GNAQ: variants seen among roughly 807,000 people sequenced by gnomAD.
GNAQ encodes the protein G protein subunit alpha q.
Under a neutral mutation model 43.9 loss-of-function variants are expected in GNAQ, and 8 were observed. The observed-to-expected ratio is 0.18, with a 90% CI of 0.11 to 0.33. The LOEUF is 0.33. Ranked by LOEUF, GNAQ falls within the 10% of genes least tolerant of loss-of-function variation. GNAQ has a pLI of 1.00. For missense variants in GNAQ, 158 were observed against 450.8 expected, an observed-to-expected ratio of 0.35 and a Z score of 5.88; for synonymous variants, 155 against 170.7, an observed-to-expected ratio of 0.91 and a Z score of 0.71.
chr9:77,757,653 G>A (rs922197785), intron 5 of GNAQ, among the ~76,000 whole-genome samples: 2 of 152,146 alleles, frequency 1.3e-5, no homozygotes, highest in Admixed American at 6.6e-5. Context: ...TATCACGATA[G>A]TGCTCCCAAT....
chr9:77,880,887 C>T (rs1168328443), intron 2 of GNAQ, among the ~76,000 whole-genome samples: 1 of 152,128 alleles, frequency 6.6e-6, no homozygotes, highest in Non-Finnish European at 1.5e-5. Context: ...GAAGACAGTG[C>T]TTTAGAGGAC....
intron 2 of GNAQ, among the ~76,000 whole-genome samples, chr9:77,855,697 A>G (rs1175849345): frequency 6.6e-6 from 1 of 152,246 alleles, no homozygotes; most frequent in East Asian, 1.9e-4. Context: ...AAAGATGCTG[A>G]GATTTAATTT....
intron 5 of GNAQ, among the ~76,000 whole-genome samples, chr9:77,775,697 C>T (rs1271393802): frequency 6.6e-6 from 1 of 152,184 alleles, no homozygotes; most frequent in African/African-American, 2.4e-5. Flanking sequence ...CACGCCCAGC[C>T]TCCTCATCTC....
intron 2 of GNAQ, among the ~76,000 whole-genome samples, chr9:77,818,248 G>A (rs1020860777): frequency 1.3e-5 from 2 of 152,120 alleles, no homozygotes; most frequent in South Asian, 2.1e-4. Context: ...CCTAAGCTTT[G>A]TTGTTTCATT....
At chr9:77,979,736 C>A (rs1411220194) in intron 1 of GNAQ, among the ~76,000 whole-genome samples, 2 of 152,188 alleles carry the variant, frequency 1.3e-5, no homozygotes, top group Non-Finnish European at 2.9e-5. Flanking sequence ...CAACATGCAA[C>A]ATATATGCCT....
intron 2 of GNAQ, among the ~76,000 whole-genome samples, chr9:77,913,966 G>C (rs1828853380): frequency 6.6e-6 from 1 of 152,124 alleles, no homozygotes; most frequent in African/African-American, 2.4e-5. Flanking sequence ...CTTTGTTTCA[G>C]AACCCTCCTC....
chr9:77,856,828 C>A (rs1564131624), intron 2 of GNAQ, among the ~76,000 whole-genome samples: 1 of 152,130 alleles, frequency 6.6e-6, no homozygotes, highest in Non-Finnish European at 1.5e-5. Flanking sequence ...TTTAACCTTG[C>A]AAAGCAGTAT....
At chr9:77,779,909 G>A (rs1289795607) in intron 5 of GNAQ, among the ~76,000 whole-genome samples, 3 of 151,946 alleles carry the variant, frequency 2.0e-5, no homozygotes, top group East Asian at 3.9e-4. Flanking sequence ...TTCAGTAACC[G>A]AAATGGAACA....
At position 77,767,552 on chromosome 9, in the gene GNAQ, G is replaced by T. The variant is rs553676357; in HGVS notation, c.735+26911C>A. Among the ~76,000 whole-genome samples, 16 of 152,314 alleles carry T rather than the reference G, an allele frequency of 1.1e-4. No individual in the cohort carries two copies. In the East Asian group the frequency reaches 3.1e-3, roughly 29 times the overall value. On this transcript the variant is annotated intron_variant, in intron 5 of 6. Transcript: ENST00000286548. ...TTATCAGCAAGTAATACAAGCCAGG[G>T]TATAAGACTAAGCACTTGAAAGTGC...
At chr9:77,857,009 GCCC>G (rs1827766034) in intron 2 of GNAQ, among the ~76,000 whole-genome samples, 1 of 152,168 alleles carries the variant, frequency 6.6e-6, no homozygotes, top group Non-Finnish European at 1.5e-5. Context: ...CTGTCACCAT[GCCC>G]TCCTCTTCCT....
At chr9:77,823,694 G>A (rs1827149457) in intron 2 of GNAQ, among the ~76,000 whole-genome samples, 2 of 152,096 alleles carry the variant, frequency 1.3e-5, no homozygotes, top group African/African-American at 4.8e-5. Context: ...GAAGCGGGAG[G>A]TGCCACACAC....
chr9:77,823,473 C>T (rs575151938), intron 2 of GNAQ, among the ~76,000 whole-genome samples: 14 of 152,084 alleles, frequency 9.2e-5, no homozygotes, highest in African/African-American at 3.1e-4. Flanking sequence ...AAAAGGCTAC[C>T]AAAACAGTTA....
intron 1 of GNAQ, among the ~76,000 whole-genome samples, chr9:77,928,125 A>C (rs995824578): frequency 1.3e-5 from 2 of 152,116 alleles, no homozygotes; most frequent in African/African-American, 4.8e-5. Flanking sequence ...CTGAGTCAAA[A>C]CTCAATCCAT....
chr9:78,018,177 CA>C lies in GNAQ; in HGVS notation c.136+12922del, dbSNP rs11423225. ...AATCATTGGGAGAAACCTAAATGTA[CA>C]AAAAAAAAAGAGTAAACAAGTAAAC... On this transcript the variant is annotated intron_variant, in intron 1 of 6. Transcript: ENST00000286548. 8.9e-4 allele frequency among the ~76,000 whole-genome samples: 125 copies of C among 140,900 alleles called. 1 individual carries two copies. The highest frequency in any genetic ancestry group is 1.3e-3 in the Non-Finnish European group (80 of 63,910). The allele number at this position is 140,900 out of a possible 152,430, so 92.4% of individuals were successfully genotyped here.
At chr9:77,842,791 T>TCTTTTGATG (rs1827512857) in intron 2 of GNAQ, among the ~76,000 whole-genome samples, 2 of 152,116 alleles carry the variant, frequency 1.3e-5, no homozygotes, top group African/African-American at 4.8e-5. Flanking sequence ...TTGATGAACA[T>TCTTTTGATG]ATGCATCTTT....
Position 77,728,527 on chromosome 9 carries a change from G to A in GNAQ, c.876C>T (p.Phe292=), listed in dbSNP as rs1219845503. The A allele has an allele frequency of 6.2e-7, 1 of 1,603,374 alleles. No homozygotes were observed. The highest frequency in any genetic ancestry group is 8.5e-7 in the Non-Finnish European group (1 of 1,171,798). ...KIMYSHLVDY[F]PEYDGPQRDA... ...GTGCTGACTTACCATCATATTCTGG[G>A]AAGTAGTCGACTAGATGGGAATACA... is the stretch of plus-strand genomic sequence containing the variant. The change falls in exon 6 of 7, where the codon TTC becomes TTT. Residue 292 remains phenylalanine, a synonymous_variant. Transcript: ENST00000286548.
intron 2 of GNAQ, among the ~76,000 whole-genome samples, chr9:77,914,429 C>T (rs1041850795): frequency 9.2e-5 from 14 of 152,102 alleles, no homozygotes; most frequent in African/African-American, 2.2e-4. Context: ...GAGGCCGAGG[C>T]GGGCGGACCA....
intron 5 of GNAQ, among the ~76,000 whole-genome samples, chr9:77,774,204 A>C (rs1023308655): frequency 1.6e-4 from 24 of 152,174 alleles, no homozygotes; most frequent in African/African-American, 4.8e-4. Flanking sequence ...GTGGAGATAA[A>C]TCTTGGTGTC....
chr9:77,744,187 G>C (rs1316593379), intron 5 of GNAQ, among the ~76,000 whole-genome samples: 1 of 152,176 alleles, frequency 6.6e-6, no homozygotes, highest in African/African-American at 2.4e-5. Context: ...TTTGCAGTTA[G>C]TGGCCTTGCT....
Sources: allele counts gnomAD v4.1 joint callset (sites outside exome capture counted in the v4.1 genomes callset), GRCh38; gene constraint gnomAD v4.1.1; transcripts MANE v1.5; gene names NCBI Gene and HGNC (gene_info 2026-07-23, HGNC 2026-07-21).